The following ARHGAP5 variants were observed in gnomAD, a reference collection of about 807,000 sequenced individuals.
ARHGAP5 encodes the protein rho GTPase-activating protein 5.
In ARHGAP5, 23 loss-of-function variants were observed where a neutral mutation model predicts 116.6. The observed-to-expected ratio is 0.20, with a 90% confidence interval of 0.14 to 0.28. ARHGAP5 has a LOEUF of 0.28. ARHGAP5 is among the 10% of genes least tolerant of loss of function. ARHGAP5 has a pLI of 1.00. For missense variants in ARHGAP5, 1,405 were observed against 1,774.8 expected (o/e 0.79, Z 3.74); for synonymous variants, 574 against 602.0 (o/e 0.95, Z 0.68).
chr14:32,150,192 C>A (rs1348264950), intron 5 of ARHGAP5, among the ~76,000 whole-genome samples, 159 bp downstream of exon 5: 1 of 152,162 alleles, frequency 6.6e-6, no homozygotes, highest in Non-Finnish European at 1.5e-5. Flanking sequence ...AAATTAAAAT[C>A]AGAATCCCTG....
Position 32,093,366 on chromosome 14 carries a change from G to A in ARHGAP5, c.2697G>A (p.Glu899=). 6.2e-7 allele frequency: 1 copy of A among 1,613,994 alleles called. No individual in the cohort carries two copies. Among genetic ancestry groups the A allele is most frequent in the Non-Finnish European group, 8.5e-7 (1 of 1,179,934 alleles). The change falls in exon 2 of 7, where the codon GAG becomes GAA. Residue 899 remains glutamate (E), a synonymous_variant. Transcript: ENST00000345122. ...TTTTTGAAAATGAGGCTATCAAAGA[G>A]TTAATGACTGAAGGAGAACACATTG... The part of the protein sequence containing the change: ...ADFFENEAIK[E]LMTEGEHIAT...
At chr14:32,086,180 A>C (rs1486434654) in intron 1 of ARHGAP5, among the ~76,000 whole-genome samples, 1 of 152,218 alleles carries the variant, frequency 6.6e-6, no homozygotes, top group Admixed American at 6.5e-5. Flanking sequence ...AGTTAAGTGC[A>C]AAGAACATGC....
intron 2 of ARHGAP5, among the ~76,000 whole-genome samples, chr14:32,102,694 G>A (rs1426341962): frequency 6.6e-6 from 1 of 152,194 alleles, no homozygotes; most frequent in Admixed American, 6.5e-5. Context: ...GTTTATAGTT[G>A]ATCTCCATGG....
At chr14:32,130,281 G>C (rs1007725725) in intron 3 of ARHGAP5, among the ~76,000 whole-genome samples, 16 of 142,902 alleles carry the variant, frequency 1.1e-4, no homozygotes, top group South Asian at 2.3e-4. Context: ...GTGGGATCTC[G>C]GCTCACTGCA....
chr14:32,136,569 G>C (rs562975088), intron 3 of ARHGAP5, among the ~76,000 whole-genome samples: 1 of 152,316 alleles, frequency 6.6e-6, no homozygotes, highest in Non-Finnish European at 1.5e-5. Context: ...TGCTGTGAAT[G>C]TTTGTGTAAG....
intron 1 of ARHGAP5, among the ~76,000 whole-genome samples, chr14:32,082,090 C>G (rs1313029536): frequency 6.6e-6 from 1 of 152,172 alleles, no homozygotes; most frequent in Non-Finnish European, 1.5e-5. Context: ...AGGCGGAGCT[C>G]AGGTGGTAAT....
At chr14:32,079,768 G>A (rs1767688720) in intron 1 of ARHGAP5, among the ~76,000 whole-genome samples, 1 of 152,010 alleles carries the variant, frequency 6.6e-6, no homozygotes. Flanking sequence ...AGATTTTCTT[G>A]GTAGCTACAG....
chr14:32,144,369 A>G (rs1432641713), intron 3 of ARHGAP5, among the ~76,000 whole-genome samples: 20 of 151,508 alleles, frequency 1.3e-4, no homozygotes, highest in Admixed American at 1.2e-3. Context: ...AAGTTCAGTT[A>G]TTATTATTAT....
Position 32,135,776 on chromosome 14 carries a change from A to C in ARHGAP5, c.3866-10487A>C, listed in dbSNP as rs148118044. Among the ~76,000 whole-genome samples the C allele has an allele frequency of 2.5e-4, 38 of 152,314 alleles. No homozygotes were observed. In the East Asian group the frequency reaches 6.6e-3, roughly 26 times the overall value. On this transcript the variant is annotated intron_variant, in intron 3 of 6. Coordinates refer to ENST00000345122, the MANE Select transcript of ARHGAP5 (RefSeq NM_001030055.2). Reference sequence around the variant, plus strand: ...GCTAAGCCTAACCACATATCTTTGAATTCTAATTCCAAATTTCCAGAAGAG... The same window carrying C: ...GCTAAGCCTAACCACATATCTTTGACTTCTAATTCCAAATTTCCAGAAGAG...
chr14:32,125,370 C>T (rs1471412699), intron 3 of ARHGAP5, among the ~76,000 whole-genome samples: 1 of 152,156 alleles, frequency 6.6e-6, no homozygotes, highest in African/African-American at 2.4e-5. Flanking sequence ...ACACATTTTG[C>T]TTTTTCAATC....
At chr14:32,087,065 A>G (rs2041836569) in intron 1 of ARHGAP5, among the ~76,000 whole-genome samples, 1 of 152,162 alleles carries the variant, frequency 6.6e-6, no homozygotes, top group Admixed American at 6.6e-5. Context: ...GCCTACATCA[A>G]AAATAGATGT....
At chr14:32,112,953 TA>T (rs1879385145) in intron 2 of ARHGAP5, among the ~76,000 whole-genome samples, 3 of 152,200 alleles carry the variant, frequency 2.0e-5, no homozygotes, top group African/African-American at 7.2e-5. Context: ...CATTTCTAAC[TA>T]AAGGTTTATC....
In ARHGAP5 at chr14:32,093,460, T is replaced by C; in HGVS notation, c.2791T>C (p.Phe931Leu). 1 of 1,613,280 alleles carries C rather than the reference T, an allele frequency of 6.2e-7. No homozygotes were observed. The highest frequency in any genetic ancestry group is 8.5e-7 in the Non-Finnish European group (1 of 1,179,752). ...TCAGTATCATCGGCAAACTGAGGTC[T>C]TTACTCTGTTTTTTAGTGATGTTCT... is the stretch of plus-strand genomic sequence containing the variant. ...LSQYHRQTEV[F>L]TLFFSDVLEK... The change falls in exon 2 of 7, where the codon TTT becomes CTT. Residue 931 changes from phenylalanine to leucine, a missense_variant. Physicochemically the swap from Phe to Leu is conservative, Grantham distance 22 (BLOSUM62 0). Coordinates refer to ENST00000345122, the MANE Select transcript of ARHGAP5 (RefSeq NM_001030055.2).
At chr14:32,083,311 A>G (rs1373601105) in intron 1 of ARHGAP5, among the ~76,000 whole-genome samples, 4 of 152,288 alleles carry the variant, frequency 2.6e-5, no homozygotes, top group Non-Finnish European at 5.9e-5. Flanking sequence ...ATGAAATTCA[A>G]ATTTTCCTAA....
chr14:32,098,288 A>G (rs1187481223), intron 2 of ARHGAP5, among the ~76,000 whole-genome samples: 1 of 152,198 alleles, frequency 6.6e-6, no homozygotes. Flanking sequence ...TCTGGAAACA[A>G]ACAGACCTCT....
Position 32,117,054 on chromosome 14 carries a change from T to C in ARHGAP5, c.3718-86T>C, listed in dbSNP as rs144735135. The C allele has an allele frequency of 2.3e-4, 243 of 1,063,386 alleles. No individual in the cohort carries two copies. In the African/African-American group the frequency reaches 2.9e-3, roughly 13 times the overall value. The allele number at this position is 1,063,386 out of a possible 1,614,324, so 65.9% of individuals were successfully genotyped here. A position where few individuals can be genotyped will look rare whatever the true frequency, so the allele number is the denominator to read the frequency against. ...GGATGTGGCTATAAAATTTTTCTTT[T>C]GATCCGAACCGTGTATTTACATTGC... On this transcript the variant is annotated intron_variant, in intron 2 of 6. Coordinates refer to ENST00000345122, the MANE Select transcript of ARHGAP5 (RefSeq NM_001030055.2).
At chr14:32,153,204 G>C (rs1486424026) in intron 6 of ARHGAP5, among the ~76,000 whole-genome samples, 2 of 149,770 alleles carry the variant, frequency 1.3e-5, no homozygotes, top group South Asian at 2.1e-4. Flanking sequence ...ACCTTTCCCT[G>C]AGAAAATACC....
At chr14:32,146,481 A>C (rs1566684362) in intron 4 of ARHGAP5, 141 bp downstream of exon 4, 2 of 630,402 alleles carry the variant, frequency 3.2e-6, no homozygotes, top group South Asian at 1.9e-5. Context: ...TGAGATTAGA[A>C]GCACTAAGTA....
At chr14:32,110,716 A>G (rs1879249713) in intron 2 of ARHGAP5, among the ~76,000 whole-genome samples, 1 of 152,220 alleles carries the variant, frequency 6.6e-6, no homozygotes, top group African/African-American at 2.4e-5. Context: ...GATATTAAGC[A>G]GGTGATGCAG....
Sources: gnomAD v4.1 joint callset for allele counts (sites outside exome capture counted in the v4.1 genomes callset) on GRCh38, gnomAD v4.1.1 for gene constraint, MANE v1.5 for transcripts, NCBI Gene and HGNC (gene_info 2026-07-23, HGNC 2026-07-21) for gene names.